Variants in PGPEP1L observed in about 807,000 individuals in gnomAD.
PGPEP1L encodes the protein pyroglutamyl-peptidase 1-like protein.
A neutral mutation model predicts 6.0 loss-of-function variants in PGPEP1L; 7 were observed. That is an observed-to-expected ratio of 1.17 (90% CI 0.66 to 2.19). The LOEUF is 2.19. PGPEP1L is among the 30% of genes most tolerant of loss of function. The probability of loss-of-function intolerance (pLI) is 0.00; values close to 1 mark genes in which losing one functional copy is unlikely to be tolerated. For synonymous variants in PGPEP1L, 103 were observed against 83.9 expected (o/e 1.23, Z -1.24); for missense variants, 209 against 192.5 (o/e 1.09, Z -0.51).
chr15:99,004,039 A>AT (rs2018011577), intron 2 of PGPEP1L, among the ~76,000 whole-genome samples: 1 of 148,036 alleles, frequency 6.8e-6, no homozygotes, highest in African/African-American at 2.6e-5. Flanking sequence ...TCAATTTCCC[A>AT]TTCATCCAGG....
At chr15:99,006,406 G>A (rs782323358) in intron 1 of PGPEP1L, among the ~76,000 whole-genome samples, 19 of 152,234 alleles carry the variant, frequency 1.2e-4, no homozygotes, top group Admixed American at 5.9e-4. Context: ...CATGCCACCT[G>A]GCTCTGCAGA....
intron 2 of PGPEP1L, among the ~76,000 whole-genome samples, chr15:98,975,880 C>G (rs1322777545): frequency 1.3e-5 from 2 of 150,556 alleles, no homozygotes; most frequent in Non-Finnish European, 3.0e-5. Context: ...GACTCTGTCT[C>G]AAAATAAATA....
chr15:98,995,735 G>A (rs1252465683), intron 2 of PGPEP1L, among the ~76,000 whole-genome samples: 2 of 152,094 alleles, frequency 1.3e-5, no homozygotes, highest in South Asian at 4.1e-4. Context: ...AGTAGATGCA[G>A]AGTTATGTAA....
At chr15:98,979,702 G>A (rs550875560) in intron 2 of PGPEP1L, among the ~76,000 whole-genome samples, 33 of 125,950 alleles carry the variant, frequency 2.6e-4, no homozygotes, top group Non-Finnish European at 4.1e-4. Flanking sequence ...CCAGGCTGGC[G>A]TGCCATGGCA....
At chr15:98,983,133 G>C (rs1316425730) in intron 2 of PGPEP1L, among the ~76,000 whole-genome samples, 1 of 147,398 alleles carries the variant, frequency 6.8e-6, no homozygotes, top group Non-Finnish European at 1.5e-5. Context: ...CTGGGATTTG[G>C]TGGGAAGAAT....
intron 2 of PGPEP1L, among the ~76,000 whole-genome samples, chr15:99,002,007 G>A (rs185758784): frequency 1.1e-4 from 17 of 152,096 alleles, no homozygotes; most frequent in East Asian, 5.8e-4. Flanking sequence ...ATAAGCCATC[G>A]CACCTGGCCC....
chr15:98,972,365 A>AATAC (rs1230644077), intron 2 of PGPEP1L, among the ~76,000 whole-genome samples: 49 of 148,810 alleles, frequency 3.3e-4, no homozygotes, highest in African/African-American at 1.1e-3. Flanking sequence ...AAAATAAATA[A>AATAC]ATAAATAAAT....
At chr15:98,984,041 G>C (rs1285097067) in intron 2 of PGPEP1L, among the ~76,000 whole-genome samples, 1 of 85,556 alleles carries the variant, frequency 1.2e-5, no homozygotes, top group Non-Finnish European at 2.2e-5. Flanking sequence ...TTTCTATTTT[G>C]AGTCTCACTC....
chr15:98,975,596 T>C (rs1469237677), intron 2 of PGPEP1L, among the ~76,000 whole-genome samples: 1 of 152,136 alleles, frequency 6.6e-6, no homozygotes, highest in Non-Finnish European at 1.5e-5. Flanking sequence ...ATATGTACGA[T>C]TGGCCTGGGC....
In PGPEP1L at chr15:99,001,351, C is replaced by T. The variant is rs112351408; in HGVS notation, c.-142+4078G>A. 6.0e-4 allele frequency: 137 copies of T among 227,144 alleles called. 3 individuals are homozygous for T. The highest frequency in any genetic ancestry group is 5.1e-3 in the Middle Eastern group (11 of 2,162). The allele number at this position is 227,144 out of a possible 1,614,324, so 14.1% of individuals were successfully genotyped here. A position where few individuals can be genotyped will look rare whatever the true frequency, so the allele number is the denominator to read the frequency against. The stretch of plus-strand genomic sequence containing the variant: ...CATTTATATGAAATGTCAGAAGAGG[C>T]ACATCTATAGGGACAAAGTATATTA... On this transcript the variant is annotated intron_variant, in intron 2 of 4. Transcript: ENST00000535714.
At position 99,005,499 on chromosome 15, in the gene PGPEP1L, C is replaced by G. The variant is rs1181298061; in HGVS notation, c.-212G>C. On this transcript the variant is annotated 5_prime_UTR_variant, in exon 2 of 5. Coordinates refer to ENST00000535714, the MANE Select transcript of PGPEP1L (RefSeq NM_001167902.2). Reference sequence around the variant, plus strand: ...GGGAGCTCGCGCTGCGCCTCCCTGGCTCAGGCAGCGGCCCAGCGGCCGGGC... The same window carrying G: ...GGGAGCTCGCGCTGCGCCTCCCTGGGTCAGGCAGCGGCCCAGCGGCCGGGC... 3 of 152,432 alleles carry G rather than the reference C, an allele frequency of 2.0e-5. No individual in the cohort carries two copies. The highest frequency in any genetic ancestry group is 6.5e-5 in the Admixed American group (1 of 15,288). The allele number at this position is 152,432 out of a possible 1,614,324, so 9.4% of individuals were successfully genotyped here.
intron 2 of PGPEP1L, among the ~76,000 whole-genome samples, chr15:98,974,831 A>C (rs1344556133): frequency 3.3e-5 from 5 of 152,018 alleles, no homozygotes; most frequent in African/African-American, 1.2e-4. Flanking sequence ...TGGGAGGCGG[A>C]GGCTGCAGTG....
chr15:99,000,089 G>A (rs550983940), intron 2 of PGPEP1L, among the ~76,000 whole-genome samples: 18 of 152,370 alleles, frequency 1.2e-4, no homozygotes, highest in Admixed American at 1.2e-3. Flanking sequence ...TGCAGTGCTT[G>A]CGGGCCAGCG....
intron 2 of PGPEP1L, among the ~76,000 whole-genome samples, chr15:98,972,308 G>A (rs368411272): frequency 6.6e-5 from 10 of 151,972 alleles, no homozygotes; most frequent in Admixed American, 1.3e-4. Flanking sequence ...AACTGAGATC[G>A]TGCCATCGCA....
At chr15:98,982,709 T>C (rs1427090973) in intron 2 of PGPEP1L, among the ~76,000 whole-genome samples, 3,039 of 106,730 alleles carry the variant, frequency 0.028, 175 homozygotes, top group African/African-American at 0.14. Flanking sequence ...GCTTTTTTTT[T>C]TTTTTTTTTT....
chr15:98,968,761 C>T lies in PGPEP1L; in HGVS notation c.210-64G>A, dbSNP rs553222698. On this transcript the variant is annotated intron_variant, in intron 4 of 4. Transcript: ENST00000535714. Reference sequence around the variant, plus strand: ...GCCTCTAACCTCAGTGAAACATACGCAGAAGTGGCAATGCAACACCCACAA... The same window carrying T: ...GCCTCTAACCTCAGTGAAACATACGTAGAAGTGGCAATGCAACACCCACAA... 551 of 1,455,586 alleles carry T rather than the reference C, an allele frequency of 3.8e-4. 1 individual carries two copies. The South Asian group carries it at 6.4e-3, about 17-fold the overall frequency. 90.2% of individuals were successfully genotyped at this position (1,455,586 alleles called of 1,614,324 possible). A position where few individuals can be genotyped will look rare whatever the true frequency, so the allele number is the denominator to read the frequency against.
At chr15:98,995,295 T>TC (rs543761097) in intron 2 of PGPEP1L, among the ~76,000 whole-genome samples, 11 of 152,242 alleles carry the variant, frequency 7.2e-5, no homozygotes, top group Non-Finnish European at 1.5e-4. Context: ...AATTTTCTCT[T>TC]CATTTGTCTC....
intron 2 of PGPEP1L, among the ~76,000 whole-genome samples, chr15:98,974,590 C>A (rs2017542425): frequency 6.6e-6 from 1 of 152,048 alleles, no homozygotes; most frequent in Admixed American, 6.6e-5. Flanking sequence ...CAATTCTACT[C>A]AACTATTCTA....
At chr15:98,980,674 G>A (rs1221251984) in intron 2 of PGPEP1L, among the ~76,000 whole-genome samples, 4 of 152,174 alleles carry the variant, frequency 2.6e-5, no homozygotes, top group African/African-American at 9.7e-5. Context: ...GCTCACGCCT[G>A]TAATCCCAGC....
Sources: allele counts gnomAD v4.1 joint callset (sites outside exome capture counted in the v4.1 genomes callset), GRCh38; gene constraint gnomAD v4.1.1; transcripts MANE v1.5; gene names NCBI Gene and HGNC (gene_info 2026-07-23, HGNC 2026-07-21).